Variants in ALKBH3 observed in about 807,000 individuals in gnomAD.
ALKBH3 encodes alpha-ketoglutarate-dependent dioxygenase alkB homolog 3.
Under a neutral mutation model 43.9 loss-of-function variants are expected in ALKBH3, and 51 were observed. That is an observed-to-expected ratio of 1.16 (90% CI 0.93 to 1.47). The LOEUF (loss-of-function observed/expected upper bound fraction) is 1.47, where lower values mean the gene tolerates loss of function less well. ALKBH3 is among the 40% of genes most tolerant of loss of function. The pLI is 0.00. For missense variants in ALKBH3, 361 were observed against 351.9 expected (o/e 1.03, Z -0.21); for synonymous variants, 102 against 115.2 (o/e 0.89, Z 0.73).
chr11:43,918,965 TG>T, intron 8 of ALKBH3, 72 bp from the exon 9 acceptor site: 2 of 1,201,754 alleles, frequency 1.7e-6, no homozygotes. Context: ...CATTTTTTTT[TG>T]ACCTCTGTCA....
chr11:43,896,464 G>T (rs1174122391), intron 7 of ALKBH3, among the ~76,000 whole-genome samples: 1 of 152,184 alleles, frequency 6.6e-6, no homozygotes, highest in Non-Finnish European at 1.5e-5. Flanking sequence ...ACGGGAGAAC[G>T]ACGTAGGCTG....
chr11:43,890,720 C>T (rs1951777976), intron 6 of ALKBH3, among the ~76,000 whole-genome samples: 1 of 152,004 alleles, frequency 6.6e-6, no homozygotes, highest in South Asian at 2.1e-4. Context: ...AAAAATTAGC[C>T]AGGCATGGTG....
intron 1 of ALKBH3, 33 bp from the exon 2 acceptor site, chr11:43,882,549 TA>T: frequency 9.5e-7 from 1 of 1,052,154 alleles, no homozygotes; most frequent in Non-Finnish European, 1.4e-6. Context: ...CAATCCTAAC[TA>T]AAAGCACTGT....
At chr11:43,898,638 G>A (rs980765909) in intron 7 of ALKBH3, 1 of 732,504 alleles carries the variant, frequency 1.4e-6, no homozygotes, top group Non-Finnish European at 2.6e-6. Flanking sequence ...GGGTGAACAT[G>A]CGCCACTTAT....
At chr11:43,898,856 A>C (rs1951840001) in intron 7 of ALKBH3, 1 of 763,658 alleles carries the variant, frequency 1.3e-6, no homozygotes, top group African/African-American at 1.7e-5. Flanking sequence ...GGCCTGCTGG[A>C]TTACATTGAT....
In ALKBH3 at chr11:43,883,169, T is replaced by C. The variant is rs775991820; in HGVS notation, c.164T>C (p.Val55Ala). ...CATCATCTCTCTGACAGAGAGTTTG[T>C]GTTCAAAGAACCTCAGCAGGTAAAT... is the stretch of plus-strand genomic sequence containing the variant. ...KEHHLSDREF[V>A]FKEPQQVVRR... The change falls in exon 3 of 10, where the codon GTG (valine) becomes GCG (alanine). Residue 55 changes from valine (V) to alanine (A), a missense_variant. Physicochemically the swap from Val to Ala is moderately conservative, Grantham distance 64. Transcript: ENST00000302708. The C allele has an allele frequency of 6.2e-7, 1 of 1,613,822 alleles. No individual in the cohort carries two copies. Among genetic ancestry groups the C allele is most frequent in the Non-Finnish European group, 8.5e-7 (1 of 1,179,874 alleles).
rs569450262 is a variant in ALKBH3, at chr11:43,882,201, A to C, written c.-70-382A>C. Among the ~76,000 whole-genome samples the C allele has an allele frequency of 3.2e-4, 48 of 152,310 alleles. No individual in the cohort carries two copies. The South Asian group carries it at 5.2e-3, about 16-fold the overall frequency. On this transcript the variant is annotated intron_variant, in intron 1 of 9. Coordinates refer to ENST00000302708, the MANE Select transcript of ALKBH3 (RefSeq NM_139178.4). ...GTTTGATGCAGCCAGTGATAATGGAATATATGCTTGGAAACAGTCTTAGCC... is the reference window on the plus strand; with the variant it reads ...GTTTGATGCAGCCAGTGATAATGGACTATATGCTTGGAAACAGTCTTAGCC...
intron 7 of ALKBH3, chr11:43,897,367 A>G: frequency 1.4e-6 from 1 of 703,746 alleles, no homozygotes; most frequent in Non-Finnish European, 2.6e-6. Flanking sequence ...AAGTTTTAAT[A>G]TCCTCTCACC....
At chr11:43,890,853 A>T (rs1227942315) in intron 6 of ALKBH3, among the ~76,000 whole-genome samples, 1 of 151,650 alleles carries the variant, frequency 6.6e-6, no homozygotes, top group Non-Finnish European at 1.5e-5. Flanking sequence ...ATAGAGTGAG[A>T]CTCCGTCTCA....
At chr11:43,916,463 C>T (rs1035041298) in intron 8 of ALKBH3, among the ~76,000 whole-genome samples, 6 of 152,162 alleles carry the variant, frequency 3.9e-5, no homozygotes, top group African/African-American at 1.4e-4. Flanking sequence ...AATAACAAAA[C>T]CCACCCTGTA....
At chr11:43,894,786 T>C (rs1404578556) in intron 7 of ALKBH3, among the ~76,000 whole-genome samples, 1 of 152,240 alleles carries the variant, frequency 6.6e-6, no homozygotes, top group African/African-American at 2.4e-5. Context: ...CTGCTGACAT[T>C]ATTATTGGAA....
At chr11:43,882,445 T>A (rs567320276) in intron 1 of ALKBH3, 138 bp from the exon 2 acceptor site, 1 of 443,122 alleles carries the variant, frequency 2.3e-6, no homozygotes, top group East Asian at 3.6e-5. Flanking sequence ...TTGAATGAAA[T>A]GTTGTGATGA....
chr11:43,891,996 TAAATAGCATTA>T, intron 6 of ALKBH3, 34 bp from the exon 7 acceptor site: 2 of 1,490,420 alleles, frequency 1.3e-6, no homozygotes, highest in South Asian at 2.3e-5. Context: ...AGTAACACCT[TAAATAGCATTA>T]AACCATTTCA....
At chr11:43,886,129 A>G (rs34633775) in intron 4 of ALKBH3, among the ~76,000 whole-genome samples, 2,543 of 152,208 alleles carry the variant, frequency 0.017, 62 homozygotes, top group African/African-American at 0.056. Context: ...CATTATGAGG[A>G]CCTTGAATGC....
chr11:43,883,164 G>T lies in ALKBH3; in HGVS notation c.159G>T (p.Glu53Asp). The change falls in exon 3 of 10, where the codon GAG becomes GAT. Residue 53 changes from glutamate (E) to aspartate (D), a missense_variant. By Grantham distance (45) the Glu-to-Asp change is conservative (BLOSUM62 2). Transcript: ENST00000302708. Reference sequence around the variant, plus strand: ...AAGAGCATCATCTCTCTGACAGAGAGTTTGTGTTCAAAGAACCTCAGCAGG... The same window carrying T: ...AAGAGCATCATCTCTCTGACAGAGATTTTGTGTTCAAAGAACCTCAGCAGG... The part of the protein sequence containing the change: ...KNKEHHLSDR[E>D]FVFKEPQQVV... The T allele has an allele frequency of 6.2e-7, 1 of 1,613,912 alleles. No homozygotes were observed. Among genetic ancestry groups the T allele is most frequent in the Non-Finnish European group, 8.5e-7 (1 of 1,179,926 alleles).
At chr11:43,908,828 G>A (rs935293203) in intron 8 of ALKBH3, among the ~76,000 whole-genome samples, 3 of 152,170 alleles carry the variant, frequency 2.0e-5, no homozygotes, top group Non-Finnish European at 4.4e-5. Flanking sequence ...GCAGTAGTCC[G>A]CCTGGTAGTT....
chr11:43,909,670 C>T (rs530221685), intron 8 of ALKBH3: 1 of 152,354 alleles, frequency 6.6e-6, no homozygotes, highest in East Asian at 1.9e-4. Flanking sequence ...AATATCATTT[C>T]AGTCTGCAAA....
At chr11:43,914,975 G>A (rs1054269854) in intron 8 of ALKBH3, among the ~76,000 whole-genome samples, 1 of 152,048 alleles carries the variant, frequency 6.6e-6, no homozygotes, top group Admixed American at 6.5e-5. Flanking sequence ...GGAGGCCAAG[G>A]CAGGTGGATC....
In ALKBH3 at chr11:43,885,843, A is replaced by T. The variant is rs542668088; in HGVS notation, c.219-763A>T. On this transcript the variant is annotated intron_variant, in intron 4 of 9. Coordinates refer to ENST00000302708, the MANE Select transcript of ALKBH3 (RefSeq NM_139178.4). Reference sequence around the variant, plus strand: ...ATAGACTGTAAGGTCTAGTGGTAACACAGAGGATGAGAGGTTAATATTATT... The same window carrying T: ...ATAGACTGTAAGGTCTAGTGGTAACTCAGAGGATGAGAGGTTAATATTATT... 2.0e-5 allele frequency among the ~76,000 whole-genome samples: 3 copies of T among 152,348 alleles called. No individual in the cohort carries two copies. In the South Asian group the frequency reaches 6.2e-4, roughly 32 times the overall value.
Sources: gnomAD v4.1 joint callset for allele counts (sites outside exome capture counted in the v4.1 genomes callset) on GRCh38, gnomAD v4.1.1 for gene constraint, MANE v1.5 for transcripts, NCBI Gene and HGNC (gene_info 2026-07-23, HGNC 2026-07-21) for gene names.